SYTL5: variants seen among roughly 807,000 people sequenced by gnomAD.
SYTL5 encodes the protein synaptotagmin-like protein 5.
In SYTL5, 34 loss-of-function variants were observed where a neutral mutation model predicts 55.9. The ratio of observed to expected loss-of-function variants is 0.61; its 90% confidence interval spans 0.46 to 0.81. SYTL5 has a LOEUF of 0.81. SYTL5 is among the 30% of genes least tolerant of loss of function. SYTL5 has a pLI of 0.00. For missense variants in SYTL5, 637 were observed against 546.7 expected (o/e 1.17, Z -1.65); for synonymous variants, 221 against 188.7 (o/e 1.17, Z -1.40).
the SYTL5 span, among the ~76,000 whole-genome samples, chrX:37,940,429 C>T: frequency 9.7e-5 from 10 of 102,879 alleles, no homozygotes; most frequent in East Asian, 2.7e-3. Flanking sequence ...TGCAGTGAGC[C>T]GAGATCGCGC....
At chrX:37,894,914 A>G in the SYTL5 span, among the ~76,000 whole-genome samples, 1 of 110,921 alleles carries the variant, frequency 9.0e-6, no homozygotes, top group Non-Finnish European at 1.9e-5. Context: ...CCCCATCCCC[A>G]CTTGTTTTCA....
the SYTL5 span, among the ~76,000 whole-genome samples, chrX:37,919,330 A>G: frequency 8.9e-6 from 1 of 111,896 alleles, no homozygotes; most frequent in South Asian, 3.8e-4. Context: ...TACGTTGGAC[A>G]CTATAAACAA....
intron 5 of SYTL5, among the ~76,000 whole-genome samples, chrX:38,074,683 G>T (rs769670621): frequency 1.9e-4 from 21 of 111,945 alleles, no homozygotes; most frequent in Non-Finnish European, 3.8e-4. Flanking sequence ...TGGGCTGTCA[G>T]TAGGAATACA....
rs767027944 is a variant in SYTL5 at position 38,125,464 on chromosome X, A to G, written c.2008A>G (p.Ser670Gly). 1 of 1,211,762 alleles carries G rather than the reference A, an allele frequency of 8.3e-7. No homozygotes were observed. The highest frequency in any genetic ancestry group is 1.1e-6 in the Non-Finnish European group (1 of 895,316). Residue 670 changes from serine to glycine, a missense_variant, in exon 16 of 17, where the codon AGC (serine) becomes GGC (glycine). Coordinates refer to ENST00000297875, the MANE Select transcript of SYTL5 (RefSeq NM_138780.3). ...LTIWDKEAFS[S>G]NIFLGGVRLN... ...TATCTGGGACAAGGAGGCCTTTTCC[A>G]GCAACATCTTTCTGGGAGGAGTTCG...
the SYTL5 span, among the ~76,000 whole-genome samples, chrX:37,926,772 A>G: frequency 1.8e-5 from 2 of 111,762 alleles, no homozygotes; most frequent in African/African-American, 6.5e-5. Context: ...CTCAACCGTG[A>G]TAATTTATTT....
chrX:37,972,703 G>A, the SYTL5 span, among the ~76,000 whole-genome samples: 8 of 111,753 alleles, frequency 7.2e-5, no homozygotes, highest in African/African-American at 2.6e-4. Flanking sequence ...GTACAGCTTG[G>A]TTTTACATAT....
the SYTL5 span, among the ~76,000 whole-genome samples, chrX:37,934,516 A>T: frequency 9.1e-6 from 1 of 110,225 alleles, no homozygotes; most frequent in East Asian, 2.8e-4. Context: ...AGCAGAAAAA[A>T]AAAAGAAAAA....
intron 6 of SYTL5, among the ~76,000 whole-genome samples, chrX:38,089,164 C>A (rs1936733321): frequency 8.9e-6 from 1 of 112,053 alleles, no homozygotes; most frequent in African/African-American, 3.2e-5. Context: ...TGGTAAGGAA[C>A]CCAGACTGGC....
intron 6 of SYTL5, among the ~76,000 whole-genome samples, chrX:38,079,824 T>A (rs990822059): frequency 1.8e-5 from 2 of 111,776 alleles, no homozygotes; most frequent in African/African-American, 6.5e-5. Flanking sequence ...AGCTGGACCA[T>A]TGCACTCCTA....
the SYTL5 span, among the ~76,000 whole-genome samples, chrX:37,938,310 A>G: frequency 2.7e-5 from 3 of 112,343 alleles, no homozygotes; most frequent in Non-Finnish European, 5.6e-5. Context: ...TAGCCCCACT[A>G]AAGTAGAAAA....
chrX:38,020,408 CATATATATATATATATAT>C (rs59575156), intron 1 of SYTL5, among the ~76,000 whole-genome samples: 981 of 58,578 alleles, frequency 0.017, 12 homozygotes, highest in Middle Eastern at 0.097. Flanking sequence ...TATGTGTGTG[CATATATATATATATATAT>C]ATATATATAT....
chrX:37,945,241 T>C, the SYTL5 span, among the ~76,000 whole-genome samples: 2 of 112,168 alleles, frequency 1.8e-5, no homozygotes, highest in Admixed American at 1.9e-4. Flanking sequence ...AAAAATATGA[T>C]GTGGTTTTAT....
chrX:37,951,019 T>A, the SYTL5 span, among the ~76,000 whole-genome samples: 1 of 106,743 alleles, frequency 9.4e-6, no homozygotes, highest in African/African-American at 3.4e-5. Flanking sequence ...ATTGATCTGA[T>A]CTGAAGGGCA....
In SYTL5 at chrX:38,053,095, C is replaced by T. The variant is rs142759318; in HGVS notation, c.120-1118C>T. Among the ~76,000 whole-genome samples, 6 of 112,205 alleles carry T rather than the reference C, an allele frequency of 5.3e-5. No individual in the cohort carries two copies. In the East Asian group the frequency reaches 1.7e-3, roughly 31 times the overall value. On this transcript the variant is annotated intron_variant, in intron 2 of 16. Coordinates refer to ENST00000297875, the MANE Select transcript of SYTL5 (RefSeq NM_138780.3). ...ATAGCCAAATTTGAGACTGAATCTC[C>T]AAAGCTGTGCTTCTCCAACTCAAAT...
At chrX:38,108,562 G>A in intron 11 of SYTL5, 38 bp from the exon 12 acceptor site, 1 of 1,025,543 alleles carries the variant, frequency 9.8e-7, no homozygotes. Context: ...GCAAATAGAT[G>A]TTTCACAATA....
chrX:37,970,134 ATAT>A, the SYTL5 span, among the ~76,000 whole-genome samples: 2 of 111,812 alleles, frequency 1.8e-5, no homozygotes, highest in Non-Finnish European at 3.8e-5. Context: ...ATCTCTAGAA[ATAT>A]TATTATGATT....
chrX:38,036,079 G>T (rs886452909), intron 2 of SYTL5, among the ~76,000 whole-genome samples: 3 of 110,716 alleles, frequency 2.7e-5, no homozygotes, highest in Admixed American at 9.6e-5. Context: ...GCTGAGGAGG[G>T]TGGACCACCT....
At chrX:37,970,519 C>T in the SYTL5 span, among the ~76,000 whole-genome samples, 1 of 110,519 alleles carries the variant, frequency 9.0e-6, no homozygotes, top group Non-Finnish European at 1.9e-5. Context: ...AAAGGTTTTC[C>T]TGTAATTCTT....
chrX:38,061,859 C>T (rs1935952247), intron 3 of SYTL5, among the ~76,000 whole-genome samples: 1 of 112,113 alleles, frequency 8.9e-6, no homozygotes, highest in South Asian at 3.7e-4. Context: ...TGCAGTCCAA[C>T]ACAAAGACAG....
Sources: gnomAD v4.1 joint callset for allele counts (sites outside exome capture counted in the v4.1 genomes callset) on GRCh38, gnomAD v4.1.1 for gene constraint, MANE v1.5 for transcripts, NCBI Gene and HGNC (gene_info 2026-07-23, HGNC 2026-07-21) for gene names.